The following ONECUT2 variants were observed in gnomAD, a reference collection of about 807,000 sequenced individuals.
ONECUT2 encodes one cut domain family member 2.
In ONECUT2, 10 loss-of-function variants were observed where a neutral mutation model predicts 27.9. That is an observed-to-expected ratio of 0.36 (90% confidence interval 0.22 to 0.61). The LOEUF is 0.61. Among genes scored for constraint, ONECUT2 ranks in the 20% least tolerant of loss-of-function variants. ONECUT2 has a pLI of 0.73. For missense variants in ONECUT2, 686 were observed against 721.0 expected (o/e 0.95, Z 0.56); for synonymous variants, 334 against 315.1 (o/e 1.06, Z -0.64).
intron 1 of ONECUT2, among the ~76,000 whole-genome samples, chr18:57,471,205 A>G (rs652003): frequency 0.65 from 98,479 of 152,068 alleles, 33,613 homozygotes; most frequent in Middle Eastern, 0.81. Context: ...CTCTGACCAC[A>G]TACCTTTGTG....
chr18:57,439,650 C>T (rs1476150608), intron 1 of ONECUT2, among the ~76,000 whole-genome samples: 1 of 152,162 alleles, frequency 6.6e-6, no homozygotes. Flanking sequence ...AGGCTTTCTC[C>T]GCCCGGAGTA....
intron 1 of ONECUT2, among the ~76,000 whole-genome samples, chr18:57,469,802 A>G (rs1190632390): frequency 1.3e-5 from 2 of 152,214 alleles, no homozygotes; most frequent in East Asian, 1.9e-4. Flanking sequence ...CTCTGTGCCA[A>G]GTGTTACAGC....
At chr18:57,461,348 A>G (rs1412996528) in intron 1 of ONECUT2, among the ~76,000 whole-genome samples, 1 of 152,324 alleles carries the variant, frequency 6.6e-6, no homozygotes, top group South Asian at 2.1e-4. Flanking sequence ...TCTCCTGTCA[A>G]TGAGCATTTG....
intron 1 of ONECUT2, among the ~76,000 whole-genome samples, chr18:57,447,429 G>A (rs1235628024): frequency 1.3e-5 from 2 of 152,218 alleles, no homozygotes; most frequent in Non-Finnish European, 2.9e-5. Context: ...ATTTTCCTCT[G>A]GAGCCCTGTG....
In ONECUT2 at chr18:57,477,943, T is replaced by C. The variant is rs1297691781; in HGVS notation, c.*1220T>C. ...GTCATCTAGTCCTAAATCTCTTCTG[T>C]TGTTGAATCATCCTTGCAAAACAGC... On this transcript the variant is annotated 3_prime_UTR_variant, in exon 2 of 2. Coordinates refer to ENST00000491143, the MANE Select transcript of ONECUT2 (RefSeq NM_004852.3). 1 of 152,672 alleles carries C rather than the reference T, an allele frequency of 6.5e-6. No individual in the cohort carries two copies. The highest frequency in any genetic ancestry group is 1.5e-5 in the Non-Finnish European group (1 of 68,050). 9.5% of individuals were successfully genotyped at this position (152,672 alleles called of 1,614,324 possible). A position where few individuals can be genotyped will look rare whatever the true frequency, so the allele number is the denominator to read the frequency against.
chr18:57,445,969 T>C (rs558237154), intron 1 of ONECUT2, among the ~76,000 whole-genome samples: 2 of 152,334 alleles, frequency 1.3e-5, no homozygotes, highest in East Asian at 3.9e-4. Context: ...AATAATGTGC[T>C]CCATTAGAAC....
chr18:57,466,945 T>G (rs919743699), intron 1 of ONECUT2, among the ~76,000 whole-genome samples: 1 of 152,226 alleles, frequency 6.6e-6, no homozygotes, highest in South Asian at 2.1e-4. Flanking sequence ...CAGGCTCCAG[T>G]GTGCTTCCTA....
chr18:57,443,549 C>G (rs1314710960), intron 1 of ONECUT2, among the ~76,000 whole-genome samples: 1 of 152,200 alleles, frequency 6.6e-6, no homozygotes, highest in African/African-American at 2.4e-5. Context: ...GGCTTTTTCC[C>G]TAACCAACCT....
At position 57,485,845 on chromosome 18, in the gene ONECUT2, T is replaced by C. The variant is rs959298824; in HGVS notation, c.*9122T>C. The C allele has an allele frequency of 1.7e-4, 26 of 152,342 alleles. No individual in the cohort carries two copies. The highest frequency in any genetic ancestry group is 5.1e-4 in the African/African-American group (21 of 41,564). 9.4% of individuals were successfully genotyped at this position (152,342 alleles called of 1,614,324 possible). On this transcript the variant is annotated 3_prime_UTR_variant, in exon 2 of 2. Coordinates refer to ENST00000491143, the MANE Select transcript of ONECUT2 (RefSeq NM_004852.3). ...TTTCAAGCACCATCCTATGTGAAAG[T>C]TCCCTCCTGTCCAAACAAGCTCAAG... is the stretch of plus-strand genomic sequence containing the variant.
At chr18:57,447,628 C>T (rs1247951736) in intron 1 of ONECUT2, among the ~76,000 whole-genome samples, 1 of 152,090 alleles carries the variant, frequency 6.6e-6, no homozygotes, top group Non-Finnish European at 1.5e-5. Flanking sequence ...CCACCCTCAA[C>T]GGGATGTTTT....
chr18:57,487,020 T>C lies in ONECUT2; in HGVS notation c.*10297T>C, dbSNP rs1318746717. The C allele has an allele frequency of 6.6e-6, 1 of 152,646 alleles. No homozygotes were observed. Among genetic ancestry groups the C allele is most frequent in the Non-Finnish European group, 1.5e-5 (1 of 68,034 alleles). 9.5% of individuals were successfully genotyped at this position (152,646 alleles called of 1,614,324 possible). On this transcript the variant is annotated 3_prime_UTR_variant, in exon 2 of 2. Transcript: ENST00000491143. ...TCTTCCCCTTTGGTTCAATGGACTT[T>C]ATTTATGCATGGGCGCCTATTGTTT...
At chr18:57,456,985 C>T (rs574784015) in intron 1 of ONECUT2, among the ~76,000 whole-genome samples, 17 of 152,150 alleles carry the variant, frequency 1.1e-4, no homozygotes, top group Admixed American at 8.5e-4. Context: ...AGTGGGGTAT[C>T]ACCAGGTTGG....
chr18:57,435,612 T>A lies in ONECUT2; in HGVS notation c.-105T>A. The A allele has an allele frequency of 1.1e-6, 1 of 937,522 alleles. No homozygotes were observed. Among genetic ancestry groups the A allele is most frequent in the African/African-American group, 2.1e-5 (1 of 48,446 alleles). The allele number at this position is 937,522 out of a possible 1,614,324, so 58.1% of individuals were successfully genotyped here. ...CGCACGCGCACTCCTCTCCACTCAC[T>A]CCCGCGCCCGCCCCCACTCCCGCAG... On this transcript the variant is annotated 5_prime_UTR_variant, in exon 1 of 2. Coordinates refer to ENST00000491143, the MANE Select transcript of ONECUT2 (RefSeq NM_004852.3).
chr18:57,488,060 A>G lies in ONECUT2; in HGVS notation c.*11337A>G, dbSNP rs957116437. On this transcript the variant is annotated 3_prime_UTR_variant, in exon 2 of 2. Transcript: ENST00000491143. ...TATTGGAAATCACTGACAGTGTAGC[A>G]TTCATATTATCTGTCAATGAGGGTA... 3 of 152,462 alleles carry G rather than the reference A, an allele frequency of 2.0e-5. No homozygotes were observed. The highest frequency in any genetic ancestry group is 4.4e-5 in the Non-Finnish European group (3 of 68,046). The allele number at this position is 152,462 out of a possible 1,614,324, so 9.4% of individuals were successfully genotyped here. A position where few individuals can be genotyped will look rare whatever the true frequency, so the allele number is the denominator to read the frequency against.
chr18:57,463,709 C>T (rs1485726835), intron 1 of ONECUT2, among the ~76,000 whole-genome samples: 1 of 152,102 alleles, frequency 6.6e-6, no homozygotes, highest in African/African-American at 2.4e-5. Context: ...TCTATGTACA[C>T]TCTTGATGTT....
rs919359020 is a variant in ONECUT2 at position 57,486,131 on chromosome 18, G to C, written c.*9408G>C. ...CTGAACACAGAAAACATCCCCACTT[G>C]GCAGACCTCTCCTCAGCAATCCCCC... On this transcript the variant is annotated 3_prime_UTR_variant, in exon 2 of 2. Coordinates refer to ENST00000491143, the MANE Select transcript of ONECUT2 (RefSeq NM_004852.3). The C allele has an allele frequency of 1.3e-5, 2 of 152,768 alleles. No individual in the cohort carries two copies. The highest frequency in any genetic ancestry group is 4.8e-5 in the African/African-American group (2 of 41,436). 9.5% of individuals were successfully genotyped at this position (152,768 alleles called of 1,614,324 possible). A position where few individuals can be genotyped will look rare whatever the true frequency, so the allele number is the denominator to read the frequency against.
rs2122156176 is a variant in ONECUT2, at chr18:57,477,903, A to G, written c.*1180A>G. The G allele has an allele frequency of 6.5e-6, 1 of 152,676 alleles. No individual in the cohort carries two copies. The highest frequency in any genetic ancestry group is 1.9e-4 in the East Asian group (1 of 5,180). The allele number at this position is 152,676 out of a possible 1,614,324, so 9.5% of individuals were successfully genotyped here. A position where few individuals can be genotyped will look rare whatever the true frequency, so the allele number is the denominator to read the frequency against. On this transcript the variant is annotated 3_prime_UTR_variant, in exon 2 of 2. Coordinates refer to ENST00000491143, the MANE Select transcript of ONECUT2 (RefSeq NM_004852.3). ...AAATCAATCAATCAAACCTGCATAC[A>G]TGTTACTCATGACTGTCATCTAGTC...
At chr18:57,467,532 AT>A (rs34989361) in intron 1 of ONECUT2, among the ~76,000 whole-genome samples, 1 of 151,348 alleles carries the variant, frequency 6.6e-6, no homozygotes, top group South Asian at 2.1e-4. Flanking sequence ...CACTTGGCTA[AT>A]TTTTTTTATT....
At chr18:57,438,705 C>T (rs573458110) in intron 1 of ONECUT2, among the ~76,000 whole-genome samples, 7 of 152,228 alleles carry the variant, frequency 4.6e-5, no homozygotes, top group Admixed American at 3.9e-4. Flanking sequence ...GAGCCTCCCC[C>T]AAATCGGCGG....
Sources: allele counts gnomAD v4.1 joint callset (sites outside exome capture counted in the v4.1 genomes callset), GRCh38; gene constraint gnomAD v4.1.1; transcripts MANE v1.5; gene names NCBI Gene and HGNC (gene_info 2026-07-23, HGNC 2026-07-21).